The following CADPS variants were observed in gnomAD, a reference collection of about 807,000 sequenced individuals.
CADPS encodes calcium-dependent secretion activator 1.
In CADPS, 57 loss-of-function variants were observed where a neutral mutation model predicts 167.3. The observed-to-expected ratio is 0.34, with a 90% CI of 0.28 to 0.42. The LOEUF (loss-of-function observed/expected upper bound fraction) is 0.42. Among genes scored for constraint, CADPS ranks in the 20% least tolerant of loss-of-function variants. CADPS has a pLI of 1.00. For missense variants in CADPS, 1,414 were observed against 1,738.1 expected (o/e 0.81, Z 3.32); for synonymous variants, 676 against 635.3 (o/e 1.06, Z -0.96).
intron 13 of CADPS, chr3:62,530,609 G>A (rs1260209074): frequency 8.3e-7 from 1 of 1,197,726 alleles, no homozygotes; most frequent in Non-Finnish European, 1.1e-6. Context: ...TGGGGAAAGG[G>A]TAAAGATATT....
At chr3:62,609,034 A>G (rs904339457) in intron 6 of CADPS, among the ~76,000 whole-genome samples, 2 of 152,158 alleles carry the variant, frequency 1.3e-5, no homozygotes, top group African/African-American at 4.8e-5. Flanking sequence ...GGTAGGTTCA[A>G]CCAAGACTGT....
At chr3:62,587,076 A>G (rs1030997257) in intron 7 of CADPS, among the ~76,000 whole-genome samples, 1 of 152,190 alleles carries the variant, frequency 6.6e-6, no homozygotes, top group Non-Finnish European at 1.5e-5. Context: ...CATTGTTTTT[A>G]TCTCATGATA....
At position 62,673,843 on chromosome 3, in the gene CADPS, A is replaced by G. The variant is rs1198469251; in HGVS notation, c.889-11449T>C. Among the ~76,000 whole-genome samples the G allele has an allele frequency of 5.9e-5, 9 of 152,262 alleles. 1 individual carries two copies. The highest frequency in any genetic ancestry group is 5.9e-4 in the Admixed American group (9 of 15,282). On this transcript the variant is annotated intron_variant, in intron 3 of 29. Coordinates refer to ENST00000383710, the MANE Select transcript of CADPS (RefSeq NM_003716.4). ...TATGGGAAATGAAATGCCTTTTTGT[A>G]CTGTTAAATAATCTTGCTCTTTAAG...
intron 1 of CADPS, among the ~76,000 whole-genome samples, chr3:62,831,006 G>A (rs2074975017): frequency 6.6e-6 from 1 of 152,022 alleles, no homozygotes; most frequent in Non-Finnish European, 1.5e-5. Flanking sequence ...CCTAGACATA[G>A]AGTTATAGAC....
intron 6 of CADPS, among the ~76,000 whole-genome samples, chr3:62,620,214 G>A (rs561133499): frequency 2.0e-5 from 3 of 152,222 alleles, no homozygotes; most frequent in Non-Finnish European, 1.5e-5. Flanking sequence ...AGGGCTGAGA[G>A]ACTGCTGTCA....
chr3:62,662,703 G>T (rs2073557131), intron 3 of CADPS, among the ~76,000 whole-genome samples: 1 of 152,148 alleles, frequency 6.6e-6, no homozygotes, highest in Non-Finnish European at 1.5e-5. Context: ...TTGGCCCAGT[G>T]ACCAAAGTGC....
chr3:62,834,858 A>T (rs980064344), intron 1 of CADPS, among the ~76,000 whole-genome samples: 1 of 152,200 alleles, frequency 6.6e-6, no homozygotes, highest in African/African-American at 2.4e-5. Context: ...GGGAAAACTA[A>T]GGCAAGAAAC....
At chr3:62,776,343 G>C (rs1297960351) in intron 1 of CADPS, among the ~76,000 whole-genome samples, 3 of 152,198 alleles carry the variant, frequency 2.0e-5, no homozygotes, top group Admixed American at 6.5e-5. Context: ...TTGCATAGGA[G>C]AGTGACATGG....
chr3:62,440,602 A>G (rs1021599897), intron 27 of CADPS: 1 of 152,012 alleles, frequency 6.6e-6, no homozygotes, highest in Non-Finnish European at 1.5e-5. Flanking sequence ...ACGTCAAAAT[A>G]AAAATGATAA....
intron 5 of CADPS, 74 bp downstream of exon 5, chr3:62,650,773 T>C: frequency 1.8e-6 from 2 of 1,088,636 alleles, no homozygotes; most frequent in Non-Finnish European, 1.4e-6. Flanking sequence ...AAAAACAAGC[T>C]GATTGTGACG....
At chr3:62,519,699 G>A (rs1374328393) in intron 13 of CADPS, among the ~76,000 whole-genome samples, 1 of 152,038 alleles carries the variant, frequency 6.6e-6, no homozygotes, top group Non-Finnish European at 1.5e-5. Flanking sequence ...AGCTCACTGT[G>A]GCCTTGAACT....
chr3:62,622,798 A>G (rs1241094837), intron 6 of CADPS, among the ~76,000 whole-genome samples: 5 of 152,170 alleles, frequency 3.3e-5, no homozygotes, highest in South Asian at 4.1e-4. Flanking sequence ...AATGTTCCCT[A>G]AAGTTTGACA....
At chr3:62,450,013 G>C (rs150494179) in intron 26 of CADPS, among the ~76,000 whole-genome samples, 126 of 152,196 alleles carry the variant, frequency 8.3e-4, no homozygotes, top group African/African-American at 2.9e-3. Flanking sequence ...ATGTAGCTGT[G>C]CTTATCATCA....
chr3:62,662,353 C>T lies in CADPS; in HGVS notation c.930G>A (p.Glu310=). The change falls in exon 4 of 30, where the codon GAG becomes GAA. Residue 310 remains glutamate (E), a synonymous_variant. Transcript: ENST00000383710. The part of the protein sequence containing the change: ...PDEQAAQIRR[E]LDGRLQMADQ... ...CTGCCATTTGTAGACGTCCATCCAG[C>T]TCTCGTCTGATCTGGGCTGCTTGCT... 6.2e-7 allele frequency: 1 copy of T among 1,614,014 alleles called. No homozygotes were observed. The highest frequency in any genetic ancestry group is 1.1e-5 in the South Asian group (1 of 91,076).
intron 3 of CADPS, among the ~76,000 whole-genome samples, chr3:62,708,345 A>ATG (rs2082715887): frequency 6.6e-6 from 1 of 152,068 alleles, no homozygotes. Context: ...AGTACTGTTG[A>ATG]TGTATATATA....
chr3:62,627,240 A>G (rs2064261791), intron 6 of CADPS, among the ~76,000 whole-genome samples: 1 of 152,036 alleles, frequency 6.6e-6, no homozygotes, highest in Non-Finnish European at 1.5e-5. Context: ...ACCTAATCCA[A>G]TTATTCAGTA....
chr3:62,413,420 T>C (rs1052115202), intron 28 of CADPS, among the ~76,000 whole-genome samples: 1 of 152,156 alleles, frequency 6.6e-6, no homozygotes, highest in East Asian at 1.9e-4. Flanking sequence ...GGTATATACA[T>C]ACAATGGAAT....
At position 62,438,257 on chromosome 3, in the gene CADPS, C is replaced by T. The variant is rs1189398822; in HGVS notation, c.3670-46G>A. On this transcript the variant is annotated intron_variant, in intron 27 of 29. Transcript: ENST00000383710. This position sits in a 1 kb window ranked among gnomAD's most constrained non-coding sequence, Gnocchi z 4.7. Reference sequence around the variant, plus strand: ...ATGAAAACGAATTTTCAGACAGCCACTCTTCCTTGTTTACCATTCACTTGT... The same window carrying T: ...ATGAAAACGAATTTTCAGACAGCCATTCTTCCTTGTTTACCATTCACTTGT... The T allele has an allele frequency of 7.2e-7, 1 of 1,391,000 alleles. No individual in the cohort carries two copies. Among genetic ancestry groups the T allele is most frequent in the Admixed American group, 1.7e-5 (1 of 59,442 alleles). The allele number at this position is 1,391,000 out of a possible 1,614,324, so 86.2% of individuals were successfully genotyped here. A position where few individuals can be genotyped will look rare whatever the true frequency, so the allele number is the denominator to read the frequency against.
At chr3:62,508,469 A>T (rs1409568702) in intron 17 of CADPS, among the ~76,000 whole-genome samples, 1 of 152,228 alleles carries the variant, frequency 6.6e-6, no homozygotes, top group Non-Finnish European at 1.5e-5. Flanking sequence ...ACAACTAACC[A>T]GATGTTTAAC....
Sources: gnomAD v4.1 joint callset for allele counts (sites outside exome capture counted in the v4.1 genomes callset) on GRCh38, gnomAD v4.1.1 for gene constraint, Gnocchi (gnomAD v3.1) non-coding constraint, MANE v1.5 for transcripts, NCBI Gene and HGNC (gene_info 2026-07-23, HGNC 2026-07-21) for gene names.